The following ANK1 variants were observed in gnomAD, a reference collection of about 807,000 sequenced individuals.
The protein encoded by ANK1 is ankyrin-1.
ANK1 carries 51 observed loss-of-function variants against 210.4 expected under a neutral mutation model. The ratio of observed to expected loss-of-function variants is 0.24; its 90% CI spans 0.19 to 0.31. ANK1 has a LOEUF of 0.31. Among genes scored for constraint, ANK1 ranks in the 10% least tolerant of loss-of-function variants. The pLI is 1.00. For missense variants in ANK1, 2,051 were observed against 2,504.4 expected, an observed-to-expected ratio of 0.82 and a Z score of 3.86; for synonymous variants, 967 against 1,025.9, an observed-to-expected ratio of 0.94 and a Z score of 1.10.
chr8:41,716,870 C>T (rs567296045), intron 13 of ANK1, 83 bp downstream of exon 13: 11 of 1,399,278 alleles, frequency 7.9e-6, no homozygotes, highest in South Asian at 2.3e-5. Context: ...ACTGCAGCCC[C>T]GCCTGGAATG....
chr8:41,718,578 A>G, intron 10 of ANK1, among the ~76,000 whole-genome samples: 1 of 152,204 alleles, frequency 6.6e-6, no homozygotes, highest in Non-Finnish European at 1.5e-5. Context: ...CCCTGAAACC[A>G]CTGATCATTT....
At position 41,684,649 on chromosome 8, in the gene ANK1, C is replaced by T. The variant is rs777037489; in HGVS notation, c.4432G>A (p.Glu1478Lys). The change falls in exon 37 of 43, where the codon GAG becomes AAG. Residue 1478 changes from glutamate (E) to lysine (K), a missense_variant. By Grantham distance (56) the Glu-to-Lys change is moderately conservative. Coordinates refer to ENST00000289734, the MANE Select transcript of ANK1 (RefSeq NM_000037.4). ...GAACCCTCCAGCATGTTCACGATCTCGCCACGGTCAATGCTCTGCAGGGCT... is the reference window on the plus strand; with the variant it reads ...GAACCCTCCAGCATGTTCACGATCTTGCCACGGTCAATGCTCTGCAGGGCT... Reference protein sequence around the residue: ...YTALQSIDRGEIVNMLEGSGR... With the variant: ...YTALQSIDRGKIVNMLEGSGR... The T allele has an allele frequency of 3.9e-5, 63 of 1,613,710 alleles. No individual in the cohort carries two copies. Among genetic ancestry groups the T allele is most frequent in the South Asian group, 9.9e-5 (9 of 91,084 alleles).
At chr8:41,833,900 C>G (rs77330756) in intron 1 of ANK1, among the ~76,000 whole-genome samples, 1 of 152,232 alleles carries the variant, frequency 6.6e-6, no homozygotes, top group South Asian at 2.1e-4. Flanking sequence ...ATGCCTGACA[C>G]TAGTATGAAA....
chr8:41,675,073 T>C lies in ANK1; in HGVS notation c.4538-2161A>G, dbSNP rs115050128. Among the ~76,000 whole-genome samples the C allele has an allele frequency of 5.6e-3, 858 of 152,326 alleles. 13 individuals are homozygous for C. The highest frequency in any genetic ancestry group is 0.02 in the African/African-American group (828 of 41,574). On this transcript the variant is annotated intron_variant, in intron 37 of 42. Coordinates refer to ENST00000289734, the MANE Select transcript of ANK1 (RefSeq NM_000037.4). ...TATTACTCTTGCGAGCATTTTATAT[T>C]ATTTACATCAGTTACTGAGCATTTT...
At chr8:41,795,119 C>A (rs1056169286) in intron 1 of ANK1, among the ~76,000 whole-genome samples, 2 of 152,240 alleles carry the variant, frequency 1.3e-5, no homozygotes, top group African/African-American at 4.8e-5. Flanking sequence ...CCCTGCTTTT[C>A]TAAATATATT....
intron 37 of ANK1, among the ~76,000 whole-genome samples, chr8:41,680,460 G>A (rs1815621223): frequency 6.6e-6 from 1 of 151,882 alleles, no homozygotes; most frequent in Admixed American, 6.6e-5. Context: ...CTACTCGAGA[G>A]GCTGAGGCAG....
chr8:41,753,553 G>C (rs1838317449), intron 2 of ANK1, among the ~76,000 whole-genome samples: 1 of 152,140 alleles, frequency 6.6e-6, no homozygotes, highest in Non-Finnish European at 1.5e-5. Flanking sequence ...TCAACTTCTA[G>C]TTTAGATTCG....
At chr8:41,861,844 A>T (rs1022669303) in intron 1 of ANK1, among the ~76,000 whole-genome samples, 2 of 152,210 alleles carry the variant, frequency 1.3e-5, no homozygotes, top group African/African-American at 4.8e-5. Context: ...GGAGACTCAC[A>T]TTGAACTTTC....
At chr8:41,760,150 G>A (rs996786568) in intron 1 of ANK1, among the ~76,000 whole-genome samples, 2 of 152,166 alleles carry the variant, frequency 1.3e-5, no homozygotes, top group Non-Finnish European at 2.9e-5. Context: ...GAGGGTGAGA[G>A]CTGAGGACAA....
chr8:41,810,374 A>G (rs900436415), intron 1 of ANK1, among the ~76,000 whole-genome samples: 1 of 152,136 alleles, frequency 6.6e-6, no homozygotes, highest in African/African-American at 2.4e-5. Flanking sequence ...GCTATTTTAT[A>G]TTTCCCCCCA....
At chr8:41,818,573 GTCTTTCTT>G (rs143734244) in intron 1 of ANK1, among the ~76,000 whole-genome samples, 19 of 151,712 alleles carry the variant, frequency 1.3e-4, no homozygotes, top group East Asian at 3.9e-4. Flanking sequence ...AAACCAATAA[GTCTTTCTT>G]TCTTTCTTTC....
At chr8:41,657,165 C>T (rs1806022244) in intron 42 of ANK1, among the ~76,000 whole-genome samples, 1 of 152,074 alleles carries the variant, frequency 6.6e-6, no homozygotes, top group South Asian at 2.1e-4. Flanking sequence ...GAAGCTCTCC[C>T]TTTTGTATTT....
Position 41,758,133 on chromosome 8 carries a change from T to A in ANK1, c.32A>T (p.Asp11Val), listed in dbSNP as rs374077488. 4 of 1,613,526 alleles carry A rather than the reference T, an allele frequency of 2.5e-6. No individual in the cohort carries two copies. The highest frequency in any genetic ancestry group is 2.5e-6 in the Non-Finnish European group (3 of 1,179,956). Residue 11 changes from aspartate (D) to valine (V), a missense_variant, in exon 2 of 43, where the codon GAT (aspartate) becomes GTT (valine). This residue lies in a region of ANK1 where 21 missense variants were observed against 18.7 expected (regional missense o/e 1.12). Coordinates refer to ENST00000289734, the MANE Select transcript of ANK1 (RefSeq NM_000037.4). The stretch of plus-strand genomic sequence containing the variant: ...TGCTCTCAGAAAGCTGGTAGCAGCA[T>A]CGGCCTGTGAGGAAAAACAACAGGC... Reference protein sequence around the residue: MPYSVGFREADAATSFLRAAR... With the variant: MPYSVGFREAVAATSFLRAAR...
At chr8:41,796,504 A>G (rs1355838510) in intron 1 of ANK1, among the ~76,000 whole-genome samples, 2 of 151,326 alleles carry the variant, frequency 1.3e-5, no homozygotes, top group African/African-American at 4.9e-5. Context: ...TGGTGGAACT[A>G]AAGTGGGAGG....
intron 1 of ANK1, among the ~76,000 whole-genome samples, chr8:41,793,853 C>T (rs1563786698): frequency 6.6e-6 from 1 of 152,130 alleles, no homozygotes; most frequent in African/African-American, 2.4e-5. Flanking sequence ...AAGTAGGGAG[C>T]ATCTATGGCA....
At chr8:41,822,088 G>A (rs201153525) in intron 1 of ANK1, among the ~76,000 whole-genome samples, 22,415 of 64,990 alleles carry the variant, frequency 0.34, 2,529 homozygotes, top group African/African-American at 0.47. Flanking sequence ...GAGAGAGAGA[G>A]AGAGAGAGAG....
intron 1 of ANK1, among the ~76,000 whole-genome samples, chr8:41,844,922 C>T (rs1809729184): frequency 6.6e-6 from 1 of 152,114 alleles, no homozygotes; most frequent in African/African-American, 2.4e-5. Flanking sequence ...CCCCGGGATG[C>T]GCTTTCTGGA....
intron 1 of ANK1, among the ~76,000 whole-genome samples, chr8:41,766,766 G>C (rs1841885464): frequency 6.6e-6 from 1 of 152,340 alleles, no homozygotes; most frequent in African/African-American, 2.4e-5. Flanking sequence ...GAATCGAAGG[G>C]GACAGCGGCA....
rs57093648 is a variant in ANK1, at chr8:41,718,231, CA to C, written c.1108-28del. 0.054 allele frequency: 87,487 copies of C among 1,609,428 alleles called. 2,660 individuals carry two copies. Among genetic ancestry groups the C allele is most frequent in the Admixed American group, 0.062 (3,714 of 60,000 alleles). On this transcript the variant is annotated intron_variant, in intron 10 of 42. Coordinates refer to ENST00000289734, the MANE Select transcript of ANK1 (RefSeq NM_000037.4). ...TGCAGCCCACACAAAGGGAGACAGA[CA>C]AGCAGGAGCTTACACACGGGCCCAA...
Sources: allele counts gnomAD v4.1 joint callset (sites outside exome capture counted in the v4.1 genomes callset), GRCh38; gene constraint gnomAD v4.1.1; regional missense constraint gnomAD v4.1.1; transcripts MANE v1.5; gene names NCBI Gene and HGNC (gene_info 2026-07-23, HGNC 2026-07-21).